The following AGA variants were observed in gnomAD, a reference collection of about 807,000 sequenced individuals.
AGA encodes N(4)-(beta-N-acetylglucosaminyl)-L-asparaginase.
A neutral mutation model predicts 40.1 loss-of-function variants in AGA; 31 were observed. The ratio of observed to expected loss-of-function variants is 0.77; its 90% CI spans 0.58 to 1.04. AGA has a LOEUF of 1.04. Ranked by LOEUF, AGA falls within the 50% of genes least tolerant of loss-of-function variation. AGA has a pLI of 0.00. For missense variants in AGA, 445 were observed against 435.4 expected, an observed-to-expected ratio of 1.02 and a Z score of -0.20; for synonymous variants, 148 against 144.0, an observed-to-expected ratio of 1.03 and a Z score of -0.20.
chr4:177,435,824 T>C (rs1736792925), intron 6 of AGA, among the ~76,000 whole-genome samples: 1 of 143,616 alleles, frequency 7.0e-6, no homozygotes, highest in South Asian at 2.3e-4. Context: ...ACACCCCTTC[T>C]TTCCAAGCCA....
In AGA at chr4:177,438,876, G is replaced by C. The variant is rs770618714; in HGVS notation, c.395-19C>G. The C allele has an allele frequency of 7.0e-7, 1 of 1,429,652 alleles. No individual in the cohort carries two copies. The highest frequency in any genetic ancestry group is 1.1e-5 in the South Asian group (1 of 87,288). 88.6% of individuals were successfully genotyped at this position (1,429,652 alleles called of 1,614,324 possible). On this transcript the variant is annotated intron_variant, in intron 3 of 8. Coordinates refer to ENST00000264595, the MANE Select transcript of AGA (RefSeq NM_000027.4). ...GTGGTGGCTGGAGATTGGAAAAAAGGAAAGTATAAATTATTCAAGTATTGT... is the reference window on the plus strand; with the variant it reads ...GTGGTGGCTGGAGATTGGAAAAAAGCAAAGTATAAATTATTCAAGTATTGT...
At position 177,430,872 on chromosome 4, in the gene AGA, G is replaced by A. The variant is rs1447697687; in HGVS notation, c.*836C>T. ...AGAAAGCACGCGCACAACTTCTGTA[G>A]AGTTGTCATACAGAGAGTTAATCAG... On this transcript the variant is annotated 3_prime_UTR_variant, in exon 9 of 9. Coordinates refer to ENST00000264595, the MANE Select transcript of AGA (RefSeq NM_000027.4). 1 of 453,950 alleles carries A rather than the reference G, an allele frequency of 2.2e-6. No individual in the cohort carries two copies. Among genetic ancestry groups the A allele is most frequent in the Non-Finnish European group, 4.4e-6 (1 of 226,788 alleles). 28.1% of individuals were successfully genotyped at this position (453,950 alleles called of 1,614,324 possible).
At position 177,440,397 on chromosome 4, in the gene AGA, C is replaced by T. The variant is rs1168891401; in HGVS notation, c.157G>A (p.Ala53Thr). The change falls in exon 2 of 9, where the codon GCC (alanine) becomes ACC (threonine). Residue 53 changes from alanine (A) to threonine (T), a missense_variant. Coordinates refer to ENST00000264595, the MANE Select transcript of AGA (RefSeq NM_000027.4). The stretch of plus-strand genomic sequence containing the variant: ...CAGCCGCTCTCCACTGCATCCAGGG[C>T]AGAGCCTCCAGATGCTAATGCCCTC... ...AWRALASGGSALDAVESGCAM... is the reference protein window; with the variant it reads ...AWRALASGGSTLDAVESGCAM... 1.7e-5 allele frequency: 28 copies of T among 1,613,966 alleles called. No homozygotes were observed. Among genetic ancestry groups the T allele is most frequent in the Non-Finnish European group, 2.4e-5 (28 of 1,180,040 alleles).
At chr4:177,431,857 A>C (rs1165320861) in intron 8 of AGA, 49 bp from the exon 9 acceptor site, 9 of 1,443,232 alleles carry the variant, frequency 6.2e-6, no homozygotes, top group Non-Finnish European at 8.7e-6. Flanking sequence ...GGATGCACAT[A>C]TTTATAACCA....
chr4:177,437,704 T>G (rs1002819359), intron 4 of AGA, among the ~76,000 whole-genome samples, 185 bp from the exon 5 acceptor site: 9 of 152,222 alleles, frequency 5.9e-5, no homozygotes, highest in Admixed American at 1.3e-4. Flanking sequence ...ATAATTTTAC[T>G]GAATATCCAT....
In AGA at chr4:177,436,310, T is replaced by A; in HGVS notation, c.664A>T (p.Thr222Ser). Residue 222 changes from threonine (T) to serine (S), a missense_variant, in exon 6 of 9, where the codon ACA becomes TCA. Thr to Ser is a moderately conservative substitution (Grantham distance 58, BLOSUM62 1). Coordinates refer to ENST00000264595, the MANE Select transcript of AGA (RefSeq NM_000027.4). Reference protein sequence around the residue: ...IHKTGHIAAGTSTNGIKFKIH... With the variant: ...IHKTGHIAAGSSTNGIKFKIH... ...TTGAATTTTATACCATTTGTAGATG[T>A]ACCAGCAGCAATATGTCCTGTCTTA... The A allele has an allele frequency of 6.2e-7, 1 of 1,613,674 alleles. No homozygotes were observed. The highest frequency in any genetic ancestry group is 8.5e-7 in the Non-Finnish European group (1 of 1,179,784).
Position 177,431,828 on chromosome 4 carries a change from A to C in AGA, c.941-20T>G, listed in dbSNP as rs769899078. 6.3e-7 allele frequency: 1 copy of C among 1,593,462 alleles called. No individual in the cohort carries two copies. On this transcript the variant is annotated intron_variant, in intron 8 of 8. Coordinates refer to ENST00000264595, the MANE Select transcript of AGA (RefSeq NM_000027.4). ...CAGCACCTGGGGCCAAAAATGAGAA[A>C]GAAGTTTGGTGAACTATAGGATGCA... is the stretch of plus-strand genomic sequence containing the variant.
intron 4 of AGA, among the ~76,000 whole-genome samples, chr4:177,438,215 A>G (rs1008007754): frequency 6.6e-6 from 1 of 152,150 alleles, no homozygotes; most frequent in Non-Finnish European, 1.5e-5. Context: ...AGTAATTAGG[A>G]CTTAGGGAAG....
Position 177,430,844 on chromosome 4 carries a change from C to T in AGA, c.*864G>A, listed in dbSNP as rs1327708903. On this transcript the variant is annotated 3_prime_UTR_variant, in exon 9 of 9. Transcript: ENST00000264595. ...AGATGATTTTGAAGGAAAAATGCTG[C>T]TGAGAAAGCACGCGCACAACTTCTG... The T allele has an allele frequency of 4.4e-6, 2 of 453,986 alleles. No homozygotes were observed. The highest frequency in any genetic ancestry group is 1.4e-4 in the East Asian group (2 of 14,384). The allele number at this position is 453,986 out of a possible 1,614,324, so 28.1% of individuals were successfully genotyped here. A position where few individuals can be genotyped will look rare whatever the true frequency, so the allele number is the denominator to read the frequency against.
At position 177,436,101 on chromosome 4, in the gene AGA, A is replaced by C. The variant is rs186293205; in HGVS notation, c.698+175T>G. Among the ~76,000 whole-genome samples, 265 of 152,204 alleles carry C rather than the reference A, an allele frequency of 1.7e-3. 1 individual carries two copies. The highest frequency in any genetic ancestry group is 2.8e-3 in the Non-Finnish European group (188 of 68,004). ...CTCTGCCACCCCTAAACCCTATAGC[A>C]CTGGCTGTGACTCCCTCTCCTGTGG... On this transcript the variant is annotated intron_variant, in intron 6 of 8. Coordinates refer to ENST00000264595, the MANE Select transcript of AGA (RefSeq NM_000027.4).
chr4:177,432,250 G>T (rs1736656675), intron 8 of AGA, among the ~76,000 whole-genome samples: 1 of 152,064 alleles, frequency 6.6e-6, no homozygotes, highest in Non-Finnish European at 1.5e-5. Flanking sequence ...AATTTGTCAA[G>T]ATGCTTTGTC....
In AGA at chr4:177,438,741, A is replaced by C. The variant is rs1157584912; in HGVS notation, c.507+4T>G. On this transcript the variant is annotated splice_donor_region_variant and intron_variant, in intron 4 of 8. Transcript: ENST00000264595. ...TTATTTTTTTAAATTAAATGTGTGCATACCCTCCAATAATTTGGCTGGCAA... is the reference window on the plus strand; with the variant it reads ...TTATTTTTTTAAATTAAATGTGTGCCTACCCTCCAATAATTTGGCTGGCAA... 1.3e-6 allele frequency: 2 copies of C among 1,545,686 alleles called. No homozygotes were observed. Among genetic ancestry groups the C allele is most frequent in the Admixed American group, 1.7e-5 (1 of 59,934 alleles).
Position 177,440,319 on chromosome 4 carries a change from G to C in AGA, c.235C>G (p.Pro79Ala), listed in dbSNP as rs1435599043. ...CDGSVGFGGS[P>A]DELGETTLDA... Reference sequence around the variant, plus strand: ...AGTGTGGTTTCTCCAAGTTCATCAGGACTTCCTCCAAAGCCTACAGAGCCG... The same window carrying C: ...AGTGTGGTTTCTCCAAGTTCATCAGCACTTCCTCCAAAGCCTACAGAGCCG... Residue 79 changes from proline to alanine, a missense_variant, in exon 2 of 9, where the codon CCT (proline) becomes GCT (alanine). By Grantham distance (27) the Pro-to-Ala change is conservative (BLOSUM62 -1). Coordinates refer to ENST00000264595, the MANE Select transcript of AGA (RefSeq NM_000027.4). 6.2e-7 allele frequency: 1 copy of C among 1,613,774 alleles called. No homozygotes were observed. Among genetic ancestry groups the C allele is most frequent in the African/African-American group, 1.3e-5 (1 of 74,868 alleles).
chr4:177,438,757 T>G lies in AGA; in HGVS notation c.495A>C (p.Pro165=). 6.3e-7 allele frequency: 1 copy of G among 1,588,566 alleles called. No homozygotes were observed. The highest frequency in any genetic ancestry group is 1.7e-4 in the Middle Eastern group (1 of 6,010). ...AATGTGTGCATACCCTCCAATAATT[T>G]GGCTGGCAATTCCGAGCAAGCCAAT... ...HSDWLARNCQ[P]NYWRNVIPDP... is the part of the protein sequence containing the mutation. The change falls in exon 4 of 9, where the codon CCA becomes CCC. Residue 165 remains proline (P), a synonymous_variant. Transcript: ENST00000264595.
chr4:177,439,846 A>G (rs1293200022), intron 2 of AGA, among the ~76,000 whole-genome samples, 158 bp from the exon 3 acceptor site: 2 of 96,880 alleles, frequency 2.1e-5, no homozygotes, highest in African/African-American at 6.7e-5. Flanking sequence ...AGATTCCCAC[A>G]ATCAGACAAA....
In AGA at chr4:177,431,056, CATT is replaced by C. The variant is rs774525436; in HGVS notation, c.*649_*651del. 7.9e-5 allele frequency: 36 copies of C among 453,934 alleles called. No homozygotes were observed. The highest frequency in any genetic ancestry group is 6.9e-4 in the Middle Eastern group (1 of 1,444). 28.1% of individuals were successfully genotyped at this position (453,934 alleles called of 1,614,324 possible). A position where few individuals can be genotyped will look rare whatever the true frequency, so the allele number is the denominator to read the frequency against. Reference sequence around the variant, plus strand: ...TACTAAATATTAGCAGCTAAAACATCATTGATTCTTGTGGCTTTAGAACTTTCA... The same window carrying C: ...TACTAAATATTAGCAGCTAAAACATCGATTCTTGTGGCTTTAGAACTTTCA... On this transcript the variant is annotated 3_prime_UTR_variant, in exon 9 of 9. Coordinates refer to ENST00000264595, the MANE Select transcript of AGA (RefSeq NM_000027.4).
At position 177,440,357 on chromosome 4, in the gene AGA, C is replaced by G. The variant is rs765934592; in HGVS notation, c.197G>C (p.Arg66Thr). The change falls in exon 2 of 9, where the codon AGA (arginine) becomes ACA (threonine). Residue 66 changes from arginine (R) to threonine (T), a missense_variant. Physicochemically the swap from Arg to Thr is moderately conservative, Grantham distance 71. Coordinates refer to ENST00000264595, the MANE Select transcript of AGA (RefSeq NM_000027.4). ...AVESGCAMCE[R>T]EQCDGSVGFG... Reference sequence around the variant, plus strand: ...GCCTACAGAGCCGTCACACTGCTCTCTCTCACACATGGCACAGCCGCTCTC... The same window carrying G: ...GCCTACAGAGCCGTCACACTGCTCTGTCTCACACATGGCACAGCCGCTCTC... 36 of 1,613,998 alleles carry G rather than the reference C, an allele frequency of 2.2e-5. No individual in the cohort carries two copies. The highest frequency in any genetic ancestry group is 3.0e-5 in the Non-Finnish European group (35 of 1,180,030).
intron 6 of AGA, among the ~76,000 whole-genome samples, 186 bp downstream of exon 6, chr4:177,436,090 A>C (rs1736806368): frequency 6.6e-6 from 1 of 152,052 alleles, no homozygotes; most frequent in African/African-American, 2.4e-5. Context: ...GCCACCCCTA[A>C]ACCCTATAGC....
chr4:177,440,564 G>T (rs1318458110), intron 1 of AGA, 138 bp from the exon 2 acceptor site: 3 of 946,674 alleles, frequency 3.2e-6, no homozygotes, highest in Admixed American at 2.4e-5. Flanking sequence ...AGTTTATCAA[G>T]TGTTACAAAG....
Sources: allele counts gnomAD v4.1 joint callset (sites outside exome capture counted in the v4.1 genomes callset), GRCh38; gene constraint gnomAD v4.1.1; transcripts MANE v1.5; gene names NCBI Gene and HGNC (gene_info 2026-07-23, HGNC 2026-07-21).